Variants in PHACTR4 observed in about 807,000 individuals in gnomAD.
PHACTR4 encodes the protein phosphatase and actin regulator 4.
In PHACTR4, 51 loss-of-function variants were observed where a neutral mutation model predicts 72.7. The ratio of observed to expected loss-of-function variants is 0.70; its 90% CI spans 0.56 to 0.89. PHACTR4 has a LOEUF of 0.89. PHACTR4 is among the 40% of genes least tolerant of loss of function. PHACTR4 has a pLI of 0.00. For missense variants in PHACTR4, 731 were observed against 861.8 expected, an observed-to-expected ratio of 0.85 and a Z score of 1.90; for synonymous variants, 255 against 302.5, an observed-to-expected ratio of 0.84 and a Z score of 1.63.
chr1:28,472,497 G>C (rs1486625924), intron 6 of PHACTR4, among the ~76,000 whole-genome samples: 1 of 152,132 alleles, frequency 6.6e-6, no homozygotes, highest in Non-Finnish European at 1.5e-5. Flanking sequence ...TTATAACACA[G>C]AGCTAAGATA....
chr1:28,379,439 A>AT (rs1447309678), intron 1 of PHACTR4, among the ~76,000 whole-genome samples: 1 of 149,836 alleles, frequency 6.7e-6, no homozygotes, highest in Non-Finnish European at 1.5e-5. Flanking sequence ...CGCCAGGCTG[A>AT]TTTTTTAAAA....
chr1:28,405,236 C>A (rs1654233667), intron 1 of PHACTR4, among the ~76,000 whole-genome samples: 2 of 152,086 alleles, frequency 1.3e-5, no homozygotes, highest in Non-Finnish European at 2.9e-5. Flanking sequence ...GGTTCCTTAT[C>A]AGATAGATGA....
intron 9 of PHACTR4, among the ~76,000 whole-genome samples, chr1:28,485,182 G>T (rs1660552534): frequency 6.6e-6 from 1 of 152,086 alleles, no homozygotes; most frequent in Admixed American, 6.6e-5. Context: ...TAGTTGTCAG[G>T]GGCTCGGGAT....
chr1:28,487,298 G>A lies in PHACTR4; in HGVS notation c.1761-1872G>A, dbSNP rs180723510. ...GGAGAATCTCTTGAACCTGGGAGGCGGAGGTTGCAGTGAGCCGAGATCAAG... is the reference window on the plus strand; with the variant it reads ...GGAGAATCTCTTGAACCTGGGAGGCAGAGGTTGCAGTGAGCCGAGATCAAG... On this transcript the variant is annotated intron_variant, in intron 9 of 13. Transcript: ENST00000373839. Among the ~76,000 whole-genome samples, 812 of 151,646 alleles carry A rather than the reference G, an allele frequency of 5.4e-3. 7 individuals carry two copies. The highest frequency in any genetic ancestry group is 0.018 in the African/African-American group (744 of 41,382).
intron 2 of PHACTR4, among the ~76,000 whole-genome samples, chr1:28,408,584 C>T (rs1051763194): frequency 6.6e-6 from 1 of 151,200 alleles, no homozygotes. Context: ...AGAAAGATAA[C>T]GTGGAAGTAA....
intron 1 of PHACTR4, among the ~76,000 whole-genome samples, chr1:28,398,987 A>G (rs1405248259): frequency 6.6e-6 from 1 of 152,090 alleles, no homozygotes; most frequent in East Asian, 1.9e-4. Context: ...ACGTTAGCCA[A>G]GCTTGAGATT....
chr1:28,378,056 G>C lies in PHACTR4; in HGVS notation c.-39+8231G>C, dbSNP rs187838392. Among the ~76,000 whole-genome samples, 475 of 151,072 alleles carry C rather than the reference G, an allele frequency of 3.1e-3. 2 individuals are homozygous for C. The highest frequency in any genetic ancestry group is 0.011 in the African/African-American group (441 of 41,070). ...ACTAAAAGTACAAAAAATTATCCGG[G>C]CATGGTGGTGGGTGCCTGTAGTCCC... is the stretch of plus-strand genomic sequence containing the variant. On this transcript the variant is annotated intron_variant, in intron 1 of 13. Transcript: ENST00000373839.
At chr1:28,484,500 G>GTA (rs747362489) in intron 9 of PHACTR4, among the ~76,000 whole-genome samples, 1 of 150,166 alleles carries the variant, frequency 6.7e-6, no homozygotes, top group Non-Finnish European at 1.5e-5. Flanking sequence ...GTGTGTATGT[G>GTA]TATATATATG....
chr1:28,417,835 A>C lies in PHACTR4; in HGVS notation c.16+10372A>C, dbSNP rs758560858. Among the ~76,000 whole-genome samples, 258 of 152,020 alleles carry C rather than the reference A, an allele frequency of 1.7e-3. 1 individual carries two copies. The highest frequency in any genetic ancestry group is 3.3e-3 in the Non-Finnish European group (227 of 67,962). On this transcript the variant is annotated intron_variant, in intron 2 of 13. Transcript: ENST00000373839. ...AAAATCTTGATAACTAAAAGCTGACAGTCTGGGCATAGTGGCTCATGCCTC... is the reference window on the plus strand; with the variant it reads ...AAAATCTTGATAACTAAAAGCTGACCGTCTGGGCATAGTGGCTCATGCCTC...
chr1:28,420,603 C>T (rs1284724571), intron 2 of PHACTR4, among the ~76,000 whole-genome samples: 1 of 152,174 alleles, frequency 6.6e-6, no homozygotes, highest in Non-Finnish European at 1.5e-5. Flanking sequence ...TGTGCCACTG[C>T]ACTCCAGCCT....
At chr1:28,383,957 A>G (rs1468249899) in intron 1 of PHACTR4, among the ~76,000 whole-genome samples, 3 of 152,160 alleles carry the variant, frequency 2.0e-5, no homozygotes, top group Admixed American at 6.6e-5. Flanking sequence ...TATGTGATGA[A>G]TCATATTTAC....
intron 5 of PHACTR4, 70 bp downstream of exon 5, chr1:28,465,919 A>C (rs917877219): frequency 6.9e-7 from 1 of 1,446,644 alleles, no homozygotes; most frequent in Non-Finnish European, 9.4e-7. Flanking sequence ...GGGGTTTGCA[A>C]GAGAACAGGG....
chr1:28,465,370 G>A (rs1002711356), intron 4 of PHACTR4, among the ~76,000 whole-genome samples: 13 of 152,126 alleles, frequency 8.5e-5, no homozygotes, highest in African/African-American at 3.1e-4. Context: ...TGAGGCAGGA[G>A]AATGGCGTGA....
At chr1:28,400,327 C>T (rs190013314) in intron 1 of PHACTR4, among the ~76,000 whole-genome samples, 300 of 148,884 alleles carry the variant, frequency 2.0e-3, no homozygotes, top group Non-Finnish European at 3.3e-3. Context: ...GAGCCAAGAT[C>T]GTGCCACTGC....
rs571956545 is a variant in PHACTR4, at chr1:28,404,140, G to A, written c.-38-3270G>A. The stretch of plus-strand genomic sequence containing the variant: ...AATTTTTGTATTTTTTGTAGAGACG[G>A]GGTTTCACCATGTTGGCTAGGCTTG... On this transcript the variant is annotated intron_variant, in intron 1 of 13. Coordinates refer to ENST00000373839, the MANE Select transcript of PHACTR4 (RefSeq NM_001048183.3). Among the ~76,000 whole-genome samples, 161 of 152,136 alleles carry A rather than the reference G, an allele frequency of 1.1e-3. 1 individual carries two copies. Among genetic ancestry groups the A allele is most frequent in the African/African-American group, 3.7e-3 (153 of 41,490 alleles).
At position 28,429,935 on chromosome 1, in the gene PHACTR4, AT is replaced by A. The variant is rs201940904; in HGVS notation, c.16+22473del. On this transcript the variant is annotated intron_variant, in intron 2 of 13. Coordinates refer to ENST00000373839, the MANE Select transcript of PHACTR4 (RefSeq NM_001048183.3). The stretch of plus-strand genomic sequence containing the variant: ...GTGGTGTGTCCAGAAAACCATAGTT[AT>A]GATTAGCTCTTTACCTCTCCTGTAT... Among the ~76,000 whole-genome samples the A allele has an allele frequency of 1.7e-4, 26 of 152,200 alleles. No homozygotes were observed. In the East Asian group the frequency reaches 4.4e-3, roughly 26 times the overall value.
In PHACTR4 at chr1:28,498,220, G is replaced by T. The variant is rs1249183583; in HGVS notation, c.*1671G>T. ...CAGAATCACAATAAGGTCTGGCTGG[G>T]TGTGGGGTGCTGCATAGGAAAGGGT... On this transcript the variant is annotated 3_prime_UTR_variant, in exon 14 of 14. Transcript: ENST00000373839. The T allele has an allele frequency of 1.3e-5, 2 of 152,174 alleles. No individual in the cohort carries two copies. Among genetic ancestry groups the T allele is most frequent in the South Asian group, 4.1e-4 (2 of 4,830 alleles). 9.4% of individuals were successfully genotyped at this position (152,174 alleles called of 1,614,324 possible). A position where few individuals can be genotyped will look rare whatever the true frequency, so the allele number is the denominator to read the frequency against.
At chr1:28,410,616 T>C (rs945074509) in intron 2 of PHACTR4, among the ~76,000 whole-genome samples, 7 of 152,342 alleles carry the variant, frequency 4.6e-5, no homozygotes, top group African/African-American at 7.2e-5. Flanking sequence ...CAGTAGTCAA[T>C]TGAGGCATAA....
At chr1:28,421,087 A>G (rs988589379) in intron 2 of PHACTR4, among the ~76,000 whole-genome samples, 1 of 152,166 alleles carries the variant, frequency 6.6e-6, no homozygotes, top group African/African-American at 2.4e-5. Flanking sequence ...CAGTTCTACA[A>G]TGTGTTTATT....
Sources: allele counts gnomAD v4.1 joint callset (sites outside exome capture counted in the v4.1 genomes callset), GRCh38; gene constraint gnomAD v4.1.1; transcripts MANE v1.5; gene names NCBI Gene and HGNC (gene_info 2026-07-23, HGNC 2026-07-21).